TSNARE1: variants seen among roughly 807,000 people sequenced by gnomAD.
The protein encoded by TSNARE1 is t-SNARE domain-containing protein 1.
A neutral mutation model predicts 62.0 loss-of-function variants in TSNARE1; 49 were observed. The ratio of observed to expected loss-of-function variants is 0.79; its 90% CI spans 0.63 to 1.00. The LOEUF is 1.00. Ranked by LOEUF, TSNARE1 falls within the 50% of genes least tolerant of loss-of-function variation. The pLI is 0.00. For synonymous variants in TSNARE1, 328 were observed against 294.4 expected, an observed-to-expected ratio of 1.11 and a Z score of -1.17; for missense variants, 755 against 700.1, an observed-to-expected ratio of 1.08 and a Z score of -0.88.
intron 12 of TSNARE1, among the ~76,000 whole-genome samples, chr8:142,262,426 AT>A (rs1463870705): frequency 4.6e-5 from 7 of 151,966 alleles, no homozygotes; most frequent in African/African-American, 1.7e-4. Context: ...ATATTTTGTT[AT>A]TTTACACATG....
chr8:142,350,673 C>T (rs961011189), intron 2 of TSNARE1, among the ~76,000 whole-genome samples: 8 of 152,214 alleles, frequency 5.3e-5, no homozygotes, highest in African/African-American at 1.7e-4. Flanking sequence ...TGTCATTATG[C>T]ACAAACACCA....
At chr8:142,294,636 G>GGA in intron 10 of TSNARE1, among the ~76,000 whole-genome samples, 1 of 152,238 alleles carries the variant, frequency 6.6e-6, no homozygotes, top group Non-Finnish European at 1.5e-5. Flanking sequence ...AAGGCCAAGA[G>GGA]GAGATGGGGC....
At chr8:142,365,073 A>G (rs976599507) in intron 1 of TSNARE1, among the ~76,000 whole-genome samples, 1 of 152,234 alleles carries the variant, frequency 6.6e-6, no homozygotes, top group Non-Finnish European at 1.5e-5. Context: ...ATAACTTTAC[A>G]TAAGAGAAGT....
intron 12 of TSNARE1, among the ~76,000 whole-genome samples, chr8:142,272,257 C>T (rs1013244551): frequency 6.6e-5 from 10 of 151,648 alleles, no homozygotes; most frequent in African/African-American, 1.7e-4. Context: ...TCCACCTGCC[C>T]GTCTACACCT....
At chr8:142,351,059 G>A (rs983697199) in intron 2 of TSNARE1, among the ~76,000 whole-genome samples, 4 of 152,206 alleles carry the variant, frequency 2.6e-5, no homozygotes, top group African/African-American at 9.7e-5. Flanking sequence ...TTAGAGACAC[G>A]CTGAAATATT....
chr8:142,350,315 C>T (rs1195519245), intron 2 of TSNARE1, among the ~76,000 whole-genome samples: 2 of 152,174 alleles, frequency 1.3e-5, no homozygotes, highest in South Asian at 4.1e-4. Context: ...CAGCGAAAGG[C>T]TATTGTGTAC....
intron 1 of TSNARE1, among the ~76,000 whole-genome samples, chr8:142,367,329 G>A (rs942575271): frequency 6.6e-5 from 10 of 152,200 alleles, no homozygotes; most frequent in East Asian, 5.8e-4. Context: ...AAATGGGCTC[G>A]CACTTGCAGA....
At chr8:142,391,479 G>A (rs1410548178) in intron 1 of TSNARE1, among the ~76,000 whole-genome samples, 1 of 152,202 alleles carries the variant, frequency 6.6e-6, no homozygotes, top group Non-Finnish European at 1.5e-5. Context: ...CAACATTGCA[G>A]GTGACAAGAA....
At chr8:142,361,223 C>A (rs1190786036) in intron 1 of TSNARE1, among the ~76,000 whole-genome samples, 1 of 152,258 alleles carries the variant, frequency 6.6e-6, no homozygotes, top group African/African-American at 2.4e-5. Flanking sequence ...CCAGACAGGC[C>A]TGGCCTGCTC....
At chr8:142,250,661 G>A (rs1296965814) in intron 12 of TSNARE1, among the ~76,000 whole-genome samples, 3 of 152,216 alleles carry the variant, frequency 2.0e-5, no homozygotes, top group Non-Finnish European at 2.9e-5. Context: ...GGCAACAGGC[G>A]CTGGGGAGCA....
chr8:142,226,969 G>C (rs10093076), intron 13 of TSNARE1, among the ~76,000 whole-genome samples: 7 of 87,140 alleles, frequency 8.0e-5, no homozygotes, highest in African/African-American at 1.0e-4. Context: ...GCACCCACAC[G>C]GCAGTGACAG....
rs571664820 is a variant in TSNARE1, at chr8:142,315,893, T to C, written c.985-801A>G. 2.0e-5 allele frequency among the ~76,000 whole-genome samples: 3 copies of C among 152,064 alleles called. No homozygotes were observed. The South Asian group carries it at 6.2e-4, about 32-fold the overall frequency. ...TCTTCCCACAATCGAAGGCACTACA[T>C]CTCATCAAAGCGTCCACGGCCCACA... On this transcript the variant is annotated intron_variant, in intron 7 of 13. Transcript: ENST00000524325.
intron 12 of TSNARE1, among the ~76,000 whole-genome samples, chr8:142,239,691 C>A (rs1026536099): frequency 6.6e-6 from 1 of 152,162 alleles, no homozygotes; most frequent in African/African-American, 2.4e-5. Context: ...CAGGAAAACC[C>A]GAGTGGGGCC....
intron 11 of TSNARE1, chr8:142,278,714 T>C (rs1217319707): frequency 1.0e-6 from 1 of 985,010 alleles, no homozygotes; most frequent in Non-Finnish European, 1.2e-6. Flanking sequence ...CGGTGGTCCC[T>C]GGAGTGGGCC....
Position 142,344,445 on chromosome 8 carries a change from C to T in TSNARE1, c.266G>A (p.Arg89Gln), listed in dbSNP as rs1444298048. 1.9e-6 allele frequency: 3 copies of T among 1,576,382 alleles called. No homozygotes were observed. Among genetic ancestry groups the T allele is most frequent in the African/African-American group, 2.7e-5 (2 of 73,770 alleles). ...RGPGVAPEGS[R>Q]MPEPTSSPTI... ...GGGTGATGAGGTGGGCTCCGGCATC[C>T]GGCTGCCTTCAGGGGCAACCCCAGG... The change falls in exon 4 of 14, where the codon CGG becomes CAG. Residue 89 changes from arginine to glutamine, a missense_variant. Transcript: ENST00000524325.
rs1817823835 is a variant in TSNARE1, at chr8:142,244,899, T to G, written c.1447-15320A>C. Among the ~76,000 whole-genome samples the G allele has an allele frequency of 2.0e-5, 3 of 152,234 alleles. 1 individual carries two copies. In the South Asian group the frequency reaches 6.2e-4, roughly 32 times the overall value. Reference sequence around the variant, plus strand: ...GGAAGGCATCGGCCAGAGAGGACATTTGCAACACGTGTAGACTCAGAGAGT... The same window carrying G: ...GGAAGGCATCGGCCAGAGAGGACATGTGCAACACGTGTAGACTCAGAGAGT... On this transcript the variant is annotated intron_variant, in intron 12 of 13. Transcript: ENST00000524325.
rs1266147563 is a variant in TSNARE1 at position 142,274,826 on chromosome 8, A to G, written c.1401T>C (p.His467=). The change falls in exon 12 of 14, where the codon CAT becomes CAC. Residue 467 remains histidine (H), a synonymous_variant. Coordinates refer to ENST00000524325, the MANE Select transcript of TSNARE1 (RefSeq NM_145003.5). The part of the protein sequence containing the change: ...IEASLEAASS[H]AEAARQLLAG... Reference sequence around the variant, plus strand: ...CCAGGAGCTGGCGGGCTGCCTCCGCATGCGAGGACGCAGCCTCAAGGCTGG... The same window carrying G: ...CCAGGAGCTGGCGGGCTGCCTCCGCGTGCGAGGACGCAGCCTCAAGGCTGG... The G allele has an allele frequency of 1.3e-6, 2 of 1,580,810 alleles. No individual in the cohort carries two copies. Among genetic ancestry groups the G allele is most frequent in the South Asian group, 1.2e-5 (1 of 86,590 alleles).
intron 6 of TSNARE1, among the ~76,000 whole-genome samples, chr8:142,327,750 C>T (rs540572532): frequency 1.1e-4 from 17 of 152,278 alleles, no homozygotes; most frequent in African/African-American, 4.1e-4. Context: ...AAGCGAGGGC[C>T]CACGGTGCTC....
At chr8:142,301,968 T>TG (rs1422645224) in intron 9 of TSNARE1, among the ~76,000 whole-genome samples, 1 of 152,166 alleles carries the variant, frequency 6.6e-6, no homozygotes, top group East Asian at 1.9e-4. Context: ...GCGACAGCGG[T>TG]GGGGATGGCT....
Sources: gnomAD v4.1 joint callset for allele counts (sites outside exome capture counted in the v4.1 genomes callset) on GRCh38, gnomAD v4.1.1 for gene constraint, MANE v1.5 for transcripts, NCBI Gene and HGNC (gene_info 2026-07-23, HGNC 2026-07-21) for gene names.